Variants in CEP120 observed in about 807,000 individuals in gnomAD.
CEP120 encodes the protein centrosomal protein 120.
In CEP120, 113 loss-of-function variants were observed where a neutral mutation model predicts 126.5. The ratio of observed to expected loss-of-function variants is 0.89; its 90% CI spans 0.77 to 1.04. The LOEUF (loss-of-function observed/expected upper bound fraction) is 1.04. Among genes scored for constraint, CEP120 ranks in the 50% least tolerant of loss-of-function variants. CEP120 has a pLI of 0.00. For missense variants in CEP120, 1,230 were observed against 1,155.7 expected (o/e 1.06, Z -0.93); for synonymous variants, 400 against 394.3 (o/e 1.01, Z -0.17).
In CEP120 at chr5:123,386,591, C is replaced by A. The variant is rs765894433; in HGVS notation, c.1507G>T (p.Val503Phe). ...GCACAGTAAGACTGGGGAAGAAAAA[C>A]TTCCATGTTTTTCCGAACTTCTACA... ...PPVEVRKNME[V>F]FLPQSYCAFD... The change falls in exon 10 of 20, where the codon GTT becomes TTT. Residue 503 changes from valine to phenylalanine, a missense_variant. Coordinates refer to ENST00000306467, the MANE Select transcript of CEP120 (RefSeq NM_001375405.1). 6.3e-7 allele frequency: 1 copy of A among 1,579,160 alleles called. No homozygotes were observed. The highest frequency in any genetic ancestry group is 2.3e-5 in the East Asian group (1 of 42,770).
At chr5:123,401,662 C>A in intron 4 of CEP120, 1 of 1,422,214 alleles carries the variant, frequency 7.0e-7, no homozygotes, top group Non-Finnish European at 9.9e-7. Context: ...CCTCTTCATA[C>A]AGCTGCCTGA....
intron 1 of CEP120, chr5:123,422,683 C>T: frequency 1.2e-6 from 1 of 819,124 alleles, no homozygotes; most frequent in Non-Finnish European, 1.9e-6. Context: ...CGACGTGCTG[C>T]TTTGGATGAA....
intron 13 of CEP120, 143 bp from the exon 14 acceptor site, chr5:123,382,343 AAAG>A (rs1771705672): frequency 2.3e-6 from 1 of 441,576 alleles, no homozygotes; most frequent in Non-Finnish European, 4.0e-6. Context: ...AAAAAAAAAA[AAAG>A]GAGGATGCCT....
chr5:123,356,086 G>A (rs1769594463), intron 18 of CEP120, among the ~76,000 whole-genome samples: 1 of 152,108 alleles, frequency 6.6e-6, no homozygotes, highest in Non-Finnish European at 1.5e-5. Context: ...TCAGATAGTT[G>A]TAGATATGCG....
In CEP120 at chr5:123,384,988, T is replaced by G; in HGVS notation, c.1726A>C (p.Thr576Pro). The G allele has an allele frequency of 6.2e-7, 1 of 1,612,410 alleles. No individual in the cohort carries two copies. Among genetic ancestry groups the G allele is most frequent in the East Asian group, 2.2e-5 (1 of 44,806 alleles). Residue 576 changes from threonine (T) to proline (P), a missense_variant, in exon 11 of 20, where the codon ACT (threonine) becomes CCT (proline). Thr to Pro is a conservative substitution (Grantham distance 38). Coordinates refer to ENST00000306467, the MANE Select transcript of CEP120 (RefSeq NM_001375405.1). The stretch of plus-strand genomic sequence containing the variant: ...ATAACAGGCACACTTTCACTGTAAG[T>G]TTGACGCCAACACTGTTCACCATTA... ...GSNGEQCWRQ[T>P]YSESVPVIAA... is the part of the protein sequence containing the mutation.
chr5:123,407,105 T>TAAAAAAAAAAAAAAAAAAAAAA (rs34074238), intron 4 of CEP120, among the ~76,000 whole-genome samples: 1 of 124,768 alleles, frequency 8.0e-6, no homozygotes, highest in Non-Finnish European at 1.7e-5. Flanking sequence ...ACTAAAAAAG[T>TAAAAAAAAAAAAAAAAAAAAAA]AAAAAAAAAA....
At chr5:123,390,378 A>G (rs1338158146) in intron 7 of CEP120, 2 of 578,620 alleles carry the variant, frequency 3.5e-6, no homozygotes, top group African/African-American at 3.7e-5. Context: ...AATGGGTAAG[A>G]AGGGATATTT....
At chr5:123,421,256 T>C (rs546609593) in intron 1 of CEP120, among the ~76,000 whole-genome samples, 5 of 152,324 alleles carry the variant, frequency 3.3e-5, no homozygotes, top group African/African-American at 1.2e-4. Flanking sequence ...CCTGGTCATC[T>C]TGCTGATCTT....
At chr5:123,400,595 A>G (rs79139573) in intron 4 of CEP120, among the ~76,000 whole-genome samples, 4,182 of 151,426 alleles carry the variant, frequency 0.028, 205 homozygotes, top group African/African-American at 0.095. Context: ...GAGCAGCATC[A>G]ATTCAGATAT....
chr5:123,356,625 G>C (rs899586486), intron 18 of CEP120, among the ~76,000 whole-genome samples: 1 of 150,656 alleles, frequency 6.6e-6, no homozygotes, highest in African/African-American at 2.4e-5. Context: ...TTGTCATTCA[G>C]TTTTCACCCT....
At chr5:123,377,867 G>T (rs1771347939) in intron 15 of CEP120, among the ~76,000 whole-genome samples, 1 of 152,020 alleles carries the variant, frequency 6.6e-6, no homozygotes, top group African/African-American at 2.4e-5. Flanking sequence ...AGAAACTTCT[G>T]ATTCTTGCCT....
intron 1 of CEP120, among the ~76,000 whole-genome samples, chr5:123,419,271 G>T (rs1774566467): frequency 6.6e-6 from 1 of 152,194 alleles, no homozygotes. Flanking sequence ...ACTTAATAGA[G>T]AACAGTCATC....
intron 19 of CEP120, among the ~76,000 whole-genome samples, chr5:123,348,022 A>G (rs941651002): frequency 5.3e-5 from 8 of 152,164 alleles, no homozygotes; most frequent in Admixed American, 1.3e-4. Context: ...GTGATTTACC[A>G]GTACTGAATA....
At chr5:123,364,058 A>C (rs535850786) in intron 18 of CEP120, among the ~76,000 whole-genome samples, 32 of 151,710 alleles carry the variant, frequency 2.1e-4, no homozygotes, top group Admixed American at 1.1e-3. Context: ...TTTAAAAATC[A>C]TGCAAAAATT....
At chr5:123,371,443 CAAGA>C (rs1335030354) in intron 17 of CEP120, among the ~76,000 whole-genome samples, 1 of 151,992 alleles carries the variant, frequency 6.6e-6, no homozygotes, top group African/African-American at 2.4e-5. Context: ...GAGAACAGCA[CAAGA>C]AAGACTTGCC....
chr5:123,400,605 T>TCATATATATA (rs1043535515), intron 4 of CEP120, among the ~76,000 whole-genome samples: 1 of 148,740 alleles, frequency 6.7e-6, no homozygotes, highest in East Asian at 2.0e-4. Flanking sequence ...AATTCAGATA[T>TCATATATATA]CATATATATA....
At position 123,423,053 on chromosome 5, in the gene CEP120, T is replaced by C; in HGVS notation, c.-55A>G. 1.3e-6 allele frequency: 2 copies of C among 1,496,128 alleles called. No homozygotes were observed. Among genetic ancestry groups the C allele is most frequent in the Non-Finnish European group, 9.3e-7 (1 of 1,074,348 alleles). The allele number at this position is 1,496,128 out of a possible 1,614,324, so 92.7% of individuals were successfully genotyped here. A position where few individuals can be genotyped will look rare whatever the true frequency, so the allele number is the denominator to read the frequency against. On this transcript the variant is annotated 5_prime_UTR_variant, in exon 1 of 20. Coordinates refer to ENST00000306467, the MANE Select transcript of CEP120 (RefSeq NM_001375405.1). ...CGGCTGGGGGGAAGTGAGGTCCAGT[T>C]GAGTCGCGGGTAATCCGGGACCCCC...
At chr5:123,388,316 C>T (rs577927599) in intron 9 of CEP120, 116 bp downstream of exon 9, 86 of 637,446 alleles carry the variant, frequency 1.3e-4, no homozygotes, top group African/African-American at 1.2e-3. Context: ...CCTTTTAGTC[C>T]ACTGATTTAA....
intron 19 of CEP120, among the ~76,000 whole-genome samples, chr5:123,349,251 C>T (rs889711758): frequency 3.0e-4 from 45 of 152,224 alleles, no homozygotes; most frequent in African/African-American, 7.5e-4. Context: ...TTACTAGCTA[C>T]ATGATCTTGA....
Sources: gnomAD v4.1 joint callset for allele counts (sites outside exome capture counted in the v4.1 genomes callset) on GRCh38, gnomAD v4.1.1 for gene constraint, MANE v1.5 for transcripts, NCBI Gene and HGNC (gene_info 2026-07-23, HGNC 2026-07-21) for gene names.